Variants in LNPEP observed in about 807,000 individuals in gnomAD.
LNPEP encodes the protein leucyl-cystinyl aminopeptidase.
Under a neutral mutation model 120.6 loss-of-function variants are expected in LNPEP, and 64 were observed. That is an observed-to-expected ratio of 0.53 (90% CI 0.43 to 0.65). The LOEUF (loss-of-function observed/expected upper bound fraction) is 0.65. Ranked by LOEUF, LNPEP falls within the 30% of genes least tolerant of loss-of-function variation. The pLI, the probability that LNPEP is intolerant of heterozygous loss-of-function variation, is 0.00. For synonymous variants in LNPEP, 435 were observed against 425.4 expected (o/e 1.02, Z -0.28); for missense variants, 1,057 against 1,200.0 (o/e 0.88, Z 1.76).
At chr5:96,940,442 TAA>T (rs945513961) in intron 1 of LNPEP, among the ~76,000 whole-genome samples, 1 of 142,048 alleles carries the variant, frequency 7.0e-6, no homozygotes, top group Admixed American at 7.0e-5. Context: ...ACAGTTACAT[TAA>T]AAAAAAAAAA....
rs1173579568 is a variant in LNPEP at position 96,954,745 on chromosome 5, T to TAC, written c.19+18575_19+18576dup. On this transcript the variant is annotated intron_variant, in intron 1 of 17. Transcript: ENST00000231368. ...ATACATATATATATACATATATATATACACATATATATATATATATATATA... is the reference window on the plus strand; with the variant it reads ...ATACATATATATATACATATATATATACACACATATATATATATATATATATA... 8.4e-5 allele frequency among the ~76,000 whole-genome samples: 4 copies of TAC among 47,904 alleles called. 2 individuals carry two copies. Among genetic ancestry groups the TAC allele is most frequent in the Non-Finnish European group, 1.9e-4 (4 of 21,118 alleles). 31.4% of individuals were successfully genotyped at this position (47,904 alleles called of 152,430 possible).
intron 4 of LNPEP, among the ~76,000 whole-genome samples, chr5:96,988,989 C>A (rs1790308496): frequency 6.6e-6 from 1 of 152,014 alleles, no homozygotes; most frequent in Non-Finnish European, 1.5e-5. Flanking sequence ...CCCACATACA[C>A]ACTGCATTCT....
chr5:97,012,892 A>G (rs977972858), intron 11 of LNPEP, among the ~76,000 whole-genome samples: 3 of 152,166 alleles, frequency 2.0e-5, no homozygotes, highest in African/African-American at 4.8e-5. Flanking sequence ...TCCCTTATGC[A>G]ATCTTAAGCC....
Position 96,993,150 on chromosome 5 carries a change from G to A in LNPEP, c.1252+15G>A, listed in dbSNP as rs776603847. ...TAAGAAATTGGGTAAGAATCAAATAGTGTGTCTGATTTTTGTTATAATTAG... is the reference window on the plus strand; with the variant it reads ...TAAGAAATTGGGTAAGAATCAAATAATGTGTCTGATTTTTGTTATAATTAG... On this transcript the variant is annotated intron_variant, in intron 5 of 17. Transcript: ENST00000231368. 1.6e-5 allele frequency: 25 copies of A among 1,538,930 alleles called. No homozygotes were observed. The Admixed American group carries it at 5.0e-4, about 31-fold the overall frequency.
intron 1 of LNPEP, among the ~76,000 whole-genome samples, chr5:96,956,295 T>G (rs892890559): frequency 1.3e-5 from 2 of 152,226 alleles, no homozygotes; most frequent in Non-Finnish European, 2.9e-5. Context: ...TTCCAGAGTT[T>G]TTTTTATTAA....
chr5:96,979,704 A>G lies in LNPEP; in HGVS notation c.586A>G (p.Ile196Val). Residue 196 changes from isoleucine (I) to valine (V), a missense_variant, in exon 2 of 18, where the codon ATT becomes GTT. Transcript: ENST00000231368. ...GATGACATTCAGGGGTTCTGTGACA[A>G]TTTCAGTTCAGGCTCTTCAGGTCAC... Reference protein sequence around the residue: ...TSMTFRGSVTISVQALQVTWN... With the variant: ...TSMTFRGSVTVSVQALQVTWN... The G allele has an allele frequency of 1.9e-6, 3 of 1,614,030 alleles. No homozygotes were observed. In the South Asian group the frequency reaches 3.3e-5, roughly 18 times the overall value.
At chr5:96,990,047 G>A (rs1187802807) in intron 4 of LNPEP, among the ~76,000 whole-genome samples, 1 of 151,674 alleles carries the variant, frequency 6.6e-6, no homozygotes, top group Non-Finnish European at 1.5e-5. Flanking sequence ...GTTTCTATTG[G>A]GGTACCATCT....
At chr5:96,983,202 T>G (rs1420977774) in intron 2 of LNPEP, among the ~76,000 whole-genome samples, 2 of 152,166 alleles carry the variant, frequency 1.3e-5, no homozygotes, top group Non-Finnish European at 2.9e-5. Context: ...TCTTTTCTCC[T>G]TATCTTCTAG....
At chr5:97,004,117 A>G (rs889001962) in intron 9 of LNPEP, among the ~76,000 whole-genome samples, 1 of 152,244 alleles carries the variant, frequency 6.6e-6, no homozygotes, top group African/African-American at 2.4e-5. Context: ...TCAAAGCAGC[A>G]CATGAACCCG....
chr5:96,948,592 G>T (rs1318794409), intron 1 of LNPEP, among the ~76,000 whole-genome samples: 1 of 152,092 alleles, frequency 6.6e-6, no homozygotes, highest in Non-Finnish European at 1.5e-5. Flanking sequence ...ATGCTACCTT[G>T]TTCTAAGCTT....
intron 13 of LNPEP, 39 bp from the exon 14 acceptor site, chr5:97,022,261 A>C: frequency 8.0e-7 from 1 of 1,249,230 alleles, no homozygotes; most frequent in Non-Finnish European, 1.1e-6. Context: ...GATTGTCCTA[A>C]TTATTATGAA....
intron 4 of LNPEP, among the ~76,000 whole-genome samples, chr5:96,991,102 C>T (rs780120215): frequency 3.3e-5 from 5 of 152,144 alleles, no homozygotes; most frequent in Admixed American, 6.5e-5. Flanking sequence ...TTGTATCATT[C>T]TTATGCCTTT....
chr5:96,999,945 T>C (rs551186135), intron 8 of LNPEP, among the ~76,000 whole-genome samples: 21 of 152,218 alleles, frequency 1.4e-4, no homozygotes, highest in Admixed American at 1.3e-3. Flanking sequence ...CTAATTCTGA[T>C]GCAGGTTGCC....
intron 11 of LNPEP, among the ~76,000 whole-genome samples, chr5:97,008,028 TA>T (rs2112648864): frequency 6.6e-6 from 1 of 152,312 alleles, no homozygotes; most frequent in East Asian, 1.9e-4. Flanking sequence ...AATGTCATCA[TA>T]TCTTTGATAG....
chr5:96,991,041 C>A (rs933791619), intron 4 of LNPEP, among the ~76,000 whole-genome samples: 7 of 152,128 alleles, frequency 4.6e-5, no homozygotes, highest in Admixed American at 3.9e-4. Context: ...AATGTGTAAT[C>A]TTTTATCCCT....
chr5:96,950,040 T>A (rs758937954), intron 1 of LNPEP, among the ~76,000 whole-genome samples: 61 of 152,224 alleles, frequency 4.0e-4, no homozygotes, highest in Non-Finnish European at 7.9e-4. Flanking sequence ...TTAGTGTTCA[T>A]TCAGCTTCCC....
chr5:96,994,481 C>A (rs1314276541), intron 6 of LNPEP, among the ~76,000 whole-genome samples: 1 of 139,578 alleles, frequency 7.2e-6, no homozygotes, highest in Non-Finnish European at 1.5e-5. Flanking sequence ...TTTTTTTTTT[C>A]ATCTCCTGCC....
intron 11 of LNPEP, among the ~76,000 whole-genome samples, chr5:97,009,513 A>C (rs1790874511): frequency 6.6e-6 from 1 of 152,232 alleles, no homozygotes; most frequent in South Asian, 2.1e-4. Flanking sequence ...TAGGAAAAGA[A>C]CATGCAAAGC....
intron 11 of LNPEP, chr5:97,010,381 G>A: frequency 1.0e-6 from 1 of 984,722 alleles, no homozygotes; most frequent in Non-Finnish European, 1.2e-6. Flanking sequence ...AGAAGGAAGG[G>A]CATATAGTAA....
Sources: allele counts gnomAD v4.1 joint callset (sites outside exome capture counted in the v4.1 genomes callset), GRCh38; gene constraint gnomAD v4.1.1; transcripts MANE v1.5; gene names NCBI Gene and HGNC (gene_info 2026-07-23, HGNC 2026-07-21).